Variants in PARN observed in about 807,000 individuals in gnomAD.
PARN encodes poly(A)-specific ribonuclease PARN.
A neutral mutation model predicts 102.8 loss-of-function variants in PARN; 71 were observed. That is an observed-to-expected ratio of 0.69 (90% CI 0.57 to 0.84). The LOEUF (loss-of-function observed/expected upper bound fraction) is 0.84, where lower values mean the gene tolerates loss of function less well. PARN is among the 40% of genes least tolerant of loss of function. The pLI is 0.00. For synonymous variants in PARN, 261 were observed against 252.9 expected, an observed-to-expected ratio of 1.03 and a Z score of -0.30; for missense variants, 782 against 760.9, an observed-to-expected ratio of 1.03 and a Z score of -0.33.
chr16:14,575,440 A>G (rs139229685), intron 18 of PARN, among the ~76,000 whole-genome samples: 53 of 152,358 alleles, frequency 3.5e-4, no homozygotes, highest in African/African-American at 1.2e-3. Flanking sequence ...CATGGAGTCA[A>G]AGGAGATCAT....
At chr16:14,581,128 C>T (rs1455740047) in intron 17 of PARN, among the ~76,000 whole-genome samples, 185 bp from the exon 18 acceptor site, 1 of 152,126 alleles carries the variant, frequency 6.6e-6, no homozygotes, top group East Asian at 1.9e-4. Context: ...TCTCGGTTCA[C>T]TGAAACTTCC....
chr16:14,451,867 T>TAAAAAAAA (rs1567287329), intron 22 of PARN, among the ~76,000 whole-genome samples: 3 of 23,744 alleles, frequency 1.3e-4, no homozygotes, highest in Non-Finnish European at 2.2e-4. Context: ...AAAAAAAAAA[T>TAAAAAAAA]ACAAAAAAAA....
intron 11 of PARN, among the ~76,000 whole-genome samples, chr16:14,601,534 T>C (rs1023699406): frequency 2.0e-5 from 3 of 152,188 alleles, no homozygotes; most frequent in African/African-American, 4.8e-5. Context: ...GTGGTGATGA[T>C]TGCACAGCAA....
chr16:14,592,302 T>C (rs1970249833), intron 13 of PARN, among the ~76,000 whole-genome samples: 1 of 152,204 alleles, frequency 6.6e-6, no homozygotes, highest in Non-Finnish European at 1.5e-5. Context: ...CAGGTAGGGA[T>C]GTCTGGAGTC....
intron 15 of PARN, 72 bp from the exon 16 acceptor site, chr16:14,584,494 C>T: frequency 8.2e-7 from 1 of 1,213,910 alleles, no homozygotes; most frequent in Non-Finnish European, 1.2e-6. Context: ...ATTCACTGAC[C>T]CCCCCAAAAA....
intron 6 of PARN, among the ~76,000 whole-genome samples, chr16:14,611,962 T>C (rs750079920): frequency 1.3e-5 from 2 of 152,172 alleles, no homozygotes; most frequent in Non-Finnish European, 2.9e-5. Flanking sequence ...AAAATGTACA[T>C]GTACGGGCAT....
At chr16:14,618,746 G>C (rs1366882985) in intron 5 of PARN, among the ~76,000 whole-genome samples, 3 of 151,896 alleles carry the variant, frequency 2.0e-5, no homozygotes, top group Non-Finnish European at 4.4e-5. Flanking sequence ...TTGCAGTACT[G>C]ACTAGGAAAC....
chr16:14,594,308 G>A (rs188642929), intron 12 of PARN, among the ~76,000 whole-genome samples: 123 of 152,306 alleles, frequency 8.1e-4, no homozygotes, highest in Admixed American at 2.1e-3. Context: ...AATGGGCGGT[G>A]TGTCTGTCTC....
At chr16:14,458,736 G>A (rs1174773445) in intron 22 of PARN, among the ~76,000 whole-genome samples, 1 of 152,214 alleles carries the variant, frequency 6.6e-6, no homozygotes, top group Non-Finnish European at 1.5e-5. Flanking sequence ...CATGTCAGGA[G>A]GGAGCAAGGC....
intron 18 of PARN, among the ~76,000 whole-genome samples, chr16:14,570,888 G>A (rs1327074806): frequency 6.6e-6 from 1 of 151,722 alleles, no homozygotes; most frequent in Non-Finnish European, 1.5e-5. Context: ...GGGAGGCTGA[G>A]GCAGAAGGAT....
chr16:14,541,853 G>A (rs144145216), intron 21 of PARN, among the ~76,000 whole-genome samples: 1 of 152,060 alleles, frequency 6.6e-6, no homozygotes, highest in East Asian at 1.9e-4. Flanking sequence ...CTCCACAAGA[G>A]AACATTCACA....
intron 22 of PARN, among the ~76,000 whole-genome samples, chr16:14,481,969 G>C (rs1418694237): frequency 6.6e-6 from 1 of 152,188 alleles, no homozygotes; most frequent in Non-Finnish European, 1.5e-5. Context: ...AAGCTCAGGA[G>C]ATCAGGCAGA....
At position 14,436,762 on chromosome 16, in the gene PARN, C is replaced by T. The variant is rs370090572; in HGVS notation, c.1875G>A (p.Ser625=). ...KKELSPAGSI[S]KNSPATLFEV... ...CAAAGAGTGTGGCAGGGCTGTTCTT[C>T]GAGATGCTTCCTGGTGGGAAAGAAC... Residue 625 remains serine (S), a synonymous_variant, in exon 24 of 24, where the codon TCG becomes TCA. Coordinates refer to ENST00000437198, the MANE Select transcript of PARN (RefSeq NM_002582.4). 9.9e-5 allele frequency: 157 copies of T among 1,591,496 alleles called. No homozygotes were observed. Among genetic ancestry groups the T allele is most frequent in the Non-Finnish European group, 1.2e-4 (145 of 1,168,982 alleles).
intron 21 of PARN, among the ~76,000 whole-genome samples, chr16:14,533,580 CG>C (rs1434508864): frequency 6.6e-6 from 1 of 152,158 alleles, no homozygotes; most frequent in Non-Finnish European, 1.5e-5. Context: ...CTCCACTCCA[CG>C]TGCCCTCTGT....
intron 21 of PARN, among the ~76,000 whole-genome samples, chr16:14,489,963 G>T (rs1286890977): frequency 6.6e-6 from 1 of 152,236 alleles, no homozygotes; most frequent in Non-Finnish European, 1.5e-5. Context: ...GAGTCCAGCA[G>T]TTCAAGACCA....
intron 22 of PARN, among the ~76,000 whole-genome samples, chr16:14,452,377 T>C (rs1235171882): frequency 6.6e-6 from 1 of 152,212 alleles, no homozygotes; most frequent in African/African-American, 2.4e-5. Context: ...TTTACAACTT[T>C]ATTTATTTAT....
chr16:14,503,846 T>G (rs1438845485), intron 21 of PARN, among the ~76,000 whole-genome samples: 1 of 152,246 alleles, frequency 6.6e-6, no homozygotes, highest in Admixed American at 6.5e-5. Flanking sequence ...TAAGGAGAAC[T>G]GGAATACAAA....
chr16:14,628,511 C>T (rs972270045), intron 2 of PARN, among the ~76,000 whole-genome samples: 18 of 152,266 alleles, frequency 1.2e-4, no homozygotes, highest in Non-Finnish European at 2.6e-4. Context: ...ACACAGTAAT[C>T]ATGTAAGAAA....
intron 18 of PARN, among the ~76,000 whole-genome samples, chr16:14,572,625 A>G (rs1968878246): frequency 6.6e-6 from 1 of 152,196 alleles, no homozygotes; most frequent in South Asian, 2.1e-4. Flanking sequence ...TTTCAAAAAC[A>G]AAACTTTAAA....
Sources: gnomAD v4.1 joint callset for allele counts (sites outside exome capture counted in the v4.1 genomes callset) on GRCh38, gnomAD v4.1.1 for gene constraint, MANE v1.5 for transcripts, NCBI Gene and HGNC (gene_info 2026-07-23, HGNC 2026-07-21) for gene names.